DPP4: variants seen among roughly 807,000 people sequenced by gnomAD.
The protein encoded by DPP4 is dipeptidyl peptidase 4.
Under a neutral mutation model 122.4 loss-of-function variants are expected in DPP4, and 93 were observed. The observed-to-expected ratio is 0.76, with a 90% CI of 0.64 to 0.90. The LOEUF is 0.90. DPP4 is among the 40% of genes least tolerant of loss of function. DPP4 has a pLI of 0.00. For missense variants in DPP4, 914 were observed against 907.3 expected (o/e 1.01, Z -0.09); for synonymous variants, 321 against 302.9 (o/e 1.06, Z -0.62).
intron 25 of DPP4, among the ~76,000 whole-genome samples, chr2:161,993,780 T>A (rs1290711914): frequency 6.6e-6 from 1 of 152,224 alleles, no homozygotes; most frequent in Non-Finnish European, 1.5e-5. Context: ...CTTGTTTTAA[T>A]TAAACTGTTA....
Position 162,020,523 on chromosome 2 carries a change from T to G in DPP4, c.1176+58A>C, listed in dbSNP as rs546916010. The G allele has an allele frequency of 5.9e-6, 8 of 1,346,394 alleles. No individual in the cohort carries two copies. In the Admixed American group the frequency reaches 1.4e-4, roughly 23 times the overall value. 83.4% of individuals were successfully genotyped at this position (1,346,394 alleles called of 1,614,324 possible). The stretch of plus-strand genomic sequence containing the variant: ...CTTACCAAATGATTTCCACTTCAAG[T>G]TGGTTTCCAAAAAAAAAAAAGAGGT... On this transcript the variant is annotated intron_variant, in intron 13 of 25. Transcript: ENST00000360534.
chr2:162,032,695 A>G (rs1251278843), intron 10 of DPP4, among the ~76,000 whole-genome samples: 2 of 125,144 alleles, frequency 1.6e-5, no homozygotes, highest in Non-Finnish European at 3.4e-5. Flanking sequence ...ACAAACAAAC[A>G]ACAACAACAA....
rs1007108563 is a variant in DPP4 at position 162,018,038 on chromosome 2, T to TA, written c.1420+690dup. Among the ~76,000 whole-genome samples, 94 of 142,166 alleles carry TA rather than the reference T, an allele frequency of 6.6e-4. 1 individual carries two copies. The highest frequency in any genetic ancestry group is 1.6e-3 in the African/African-American group (64 of 38,806). 93.3% of individuals were successfully genotyped at this position (142,166 alleles called of 152,430 possible). On this transcript the variant is annotated intron_variant, in intron 16 of 25. Coordinates refer to ENST00000360534, the MANE Select transcript of DPP4 (RefSeq NM_001935.4). Reference sequence around the variant, plus strand: ...AAGCGCATGCCCAAGAAATAATTGCTAAAAAAAAAAAGTCAGTCATAGTAA... The same window carrying TA: ...AAGCGCATGCCCAAGAAATAATTGCTAAAAAAAAAAAAGTCAGTCATAGTAA...
intron 10 of DPP4, among the ~76,000 whole-genome samples, chr2:162,032,712 A>AAC (rs1683597047): frequency 6.6e-6 from 1 of 151,096 alleles, no homozygotes; most frequent in African/African-American, 2.5e-5. Flanking sequence ...ACAACAACAA[A>AAC]AAAAAAAACA....
At position 161,995,030 on chromosome 2, in the gene DPP4, G is replaced by A. The variant is rs779128246; in HGVS notation, c.2130C>T (p.Asn710=). 5.0e-6 allele frequency: 8 copies of A among 1,613,964 alleles called. No individual in the cohort carries two copies. Among genetic ancestry groups the A allele is most frequent in the African/African-American group, 1.3e-5 (1 of 74,994 alleles). ...TCTGAGCTGACTGCTGAAAGTGAACGTTATCTGCAGGGAGAGAAAGGAAAC... is the reference window on the plus strand; with the variant it reads ...TCTGAGCTGACTGCTGAAAGTGAACATTATCTGCAGGGAGAGAAAGGAAAC... ...YLLIHGTADD[N]VHFQQSAQIS... is the part of the protein sequence containing the mutation. Residue 710 remains asparagine (N), a synonymous_variant, in exon 25 of 26, where the codon AAC becomes AAT. Coordinates refer to ENST00000360534, the MANE Select transcript of DPP4 (RefSeq NM_001935.4).
At chr2:161,997,129 T>C (rs1049690007) in intron 23 of DPP4, among the ~76,000 whole-genome samples, 23 of 152,250 alleles carry the variant, frequency 1.5e-4, no homozygotes, top group Admixed American at 5.2e-4. Flanking sequence ...TTAAAACAAA[T>C]GCCCTTCCTC....
At chr2:162,029,601 G>A (rs573567219) in intron 10 of DPP4, among the ~76,000 whole-genome samples, 1 of 152,348 alleles carries the variant, frequency 6.6e-6, no homozygotes, top group Admixed American at 6.5e-5. Context: ...GTGACAATCT[G>A]AGGCTTTGAT....
chr2:162,053,835 T>C (rs1684469974), intron 2 of DPP4, among the ~76,000 whole-genome samples: 1 of 152,164 alleles, frequency 6.6e-6, no homozygotes, highest in South Asian at 2.1e-4. Context: ...TAGCGGCCCA[T>C]GAAGAGAACT....
intron 2 of DPP4, among the ~76,000 whole-genome samples, chr2:162,054,092 A>G (rs1213005953): frequency 5.3e-5 from 8 of 152,190 alleles, no homozygotes; most frequent in African/African-American, 1.7e-4. Flanking sequence ...TGTCTGAAAC[A>G]TGGGACATGG....
intron 12 of DPP4, 134 bp downstream of exon 12, chr2:162,022,621 A>C: frequency 1.2e-6 from 1 of 807,456 alleles, no homozygotes; most frequent in Non-Finnish European, 2.1e-6. Context: ...GGGAGCATTT[A>C]CATATTTTGA....
rs377414220 is a variant in DPP4, at chr2:162,038,351, C to T, written c.564G>A (p.Thr188=). 175 of 1,607,484 alleles carry T rather than the reference C, an allele frequency of 1.1e-4. No individual in the cohort carries two copies. The highest frequency in any genetic ancestry group is 9.9e-4 in the South Asian group (89 of 90,054). The part of the protein sequence containing the change: ...PNLPSYRITW[T]GKEDIIYNGI... ...CATTATATATTATATCTTCTTTCCC[C>T]GTCCATGTGATTCTGTAACTTGGTA... The change falls in exon 8 of 26, where the codon ACG becomes ACA. Residue 188 remains threonine, a synonymous_variant. Coordinates refer to ENST00000360534, the MANE Select transcript of DPP4 (RefSeq NM_001935.4).
At chr2:162,067,997 A>T (rs763328179) in intron 2 of DPP4, among the ~76,000 whole-genome samples, 10 of 152,228 alleles carry the variant, frequency 6.6e-5, no homozygotes, top group Non-Finnish European at 1.3e-4. Flanking sequence ...AAGTCAAGAT[A>T]TTAATATATC....
At chr2:162,016,996 A>T (rs960697924) in intron 17 of DPP4, 112 bp downstream of exon 17, 1 of 1,418,488 alleles carries the variant, frequency 7.0e-7, no homozygotes, top group African/African-American at 1.4e-5. Flanking sequence ...GCTTGTGTTC[A>T]ACTCATTGTC....
At chr2:162,045,147 A>G (rs1024499187) in intron 5 of DPP4, among the ~76,000 whole-genome samples, 2 of 151,840 alleles carry the variant, frequency 1.3e-5, no homozygotes, top group African/African-American at 2.4e-5. Flanking sequence ...TTAAAAACAC[A>G]TATCTATGGA....
intron 23 of DPP4, among the ~76,000 whole-genome samples, chr2:162,000,736 C>T (rs764883361): frequency 1.3e-5 from 2 of 152,206 alleles, no homozygotes; most frequent in Non-Finnish European, 2.9e-5. Context: ...AAATAAATCT[C>T]CTCTACAAGT....
rs550225141 is a variant in DPP4, at chr2:162,020,714, A to C, written c.1069-26T>G. On this transcript the variant is annotated intron_variant, in intron 12 of 25. Transcript: ENST00000360534. ...CTAGAAAATAATAGAGAACAAAAGA[A>C]CATTAAAGCACAGTGTCTCATCTCA... The C allele has an allele frequency of 3.2e-6, 5 of 1,538,522 alleles. No homozygotes were observed. In the East Asian group the frequency reaches 9.0e-5, roughly 28 times the overall value.
intron 10 of DPP4, among the ~76,000 whole-genome samples, chr2:162,025,882 GC>G (rs904296616): frequency 1.5e-4 from 23 of 152,012 alleles, no homozygotes; most frequent in African/African-American, 5.6e-4. Flanking sequence ...CATCCCAAAT[GC>G]TCTCACACAA....
intron 12 of DPP4, 79 bp from the exon 13 acceptor site, chr2:162,020,767 G>T (rs1683097078): frequency 1.1e-6 from 1 of 900,236 alleles, no homozygotes; most frequent in Non-Finnish European, 1.7e-6. Flanking sequence ...AGAAAGTCCT[G>T]TCCAATACCT....
At chr2:162,061,380 A>T (rs895268405) in intron 2 of DPP4, among the ~76,000 whole-genome samples, 11 of 152,132 alleles carry the variant, frequency 7.2e-5, no homozygotes, top group Admixed American at 6.5e-4. Flanking sequence ...ATTCCTCTTC[A>T]TGTCTCTTGA....
Sources: gnomAD v4.1 joint callset for allele counts (sites outside exome capture counted in the v4.1 genomes callset) on GRCh38, gnomAD v4.1.1 for gene constraint, MANE v1.5 for transcripts, NCBI Gene and HGNC (gene_info 2026-07-23, HGNC 2026-07-21) for gene names.